The following UBXN2B variants were observed in gnomAD, a reference collection of about 807,000 sequenced individuals.
UBXN2B encodes UBX domain-containing protein 2B.
UBXN2B carries 19 observed loss-of-function variants against 37.5 expected under a neutral mutation model. The observed-to-expected ratio is 0.51, with a 90% CI of 0.35 to 0.74. The LOEUF (loss-of-function observed/expected upper bound fraction) is 0.74. Ranked by LOEUF, UBXN2B falls within the 30% of genes least tolerant of loss-of-function variation. UBXN2B has a pLI of 0.01. For synonymous variants in UBXN2B, 145 were observed against 143.8 expected (o/e 1.01, Z -0.06); for missense variants, 370 against 393.2 (o/e 0.94, Z 0.50).
intron 2 of UBXN2B, among the ~76,000 whole-genome samples, chr8:58,418,862 T>C (rs1427168407): frequency 6.6e-6 from 1 of 152,250 alleles, no homozygotes; most frequent in Non-Finnish European, 1.5e-5. Context: ...TGTATCTCTG[T>C]ACTTGCATTT....
At chr8:58,433,099 C>A in intron 3 of UBXN2B, 61 bp from the exon 4 acceptor site, 1 of 1,337,230 alleles carries the variant, frequency 7.5e-7, no homozygotes, top group East Asian at 2.3e-5. Context: ...ATACATATCA[C>A]ATAATAACTT....
At chr8:58,427,926 AAGG>A (rs995891490) in intron 2 of UBXN2B, among the ~76,000 whole-genome samples, 3 of 152,150 alleles carry the variant, frequency 2.0e-5, no homozygotes, top group African/African-American at 7.2e-5. Flanking sequence ...TAAAATAGAG[AAGG>A]AGATGTTGGA....
At chr8:58,413,355 G>A (rs958942937) in intron 1 of UBXN2B, 1 of 152,090 alleles carries the variant, frequency 6.6e-6, no homozygotes, top group African/African-American at 2.4e-5. Context: ...CAAAGGGATG[G>A]CATATCAAGA....
At chr8:58,433,785 T>C (rs545794072) in intron 4 of UBXN2B, among the ~76,000 whole-genome samples, 127 of 151,722 alleles carry the variant, frequency 8.4e-4, no homozygotes, top group Non-Finnish European at 1.3e-3. Flanking sequence ...GATAAAAAAA[T>C]CAATTAAAAA....
intron 2 of UBXN2B, among the ~76,000 whole-genome samples, chr8:58,423,347 T>C (rs1807979482): frequency 6.6e-6 from 1 of 151,844 alleles, no homozygotes; most frequent in Non-Finnish European, 1.5e-5. Flanking sequence ...CTGCTGACCA[T>C]ATGAGTGGCC....
chr8:58,423,254 A>C (rs979295308), intron 2 of UBXN2B, among the ~76,000 whole-genome samples: 1 of 152,156 alleles, frequency 6.6e-6, no homozygotes, highest in Non-Finnish European at 1.5e-5. Flanking sequence ...CAGCCAGGCC[A>C]CTGAAAGAGA....
chr8:58,423,726 C>T (rs369809976), intron 2 of UBXN2B, among the ~76,000 whole-genome samples: 46 of 149,226 alleles, frequency 3.1e-4, no homozygotes, highest in South Asian at 1.1e-3. Context: ...TGAGCCACCG[C>T]GCCCAGCCGG....
intron 2 of UBXN2B, among the ~76,000 whole-genome samples, chr8:58,418,306 T>C (rs1807838687): frequency 6.6e-6 from 1 of 151,718 alleles, no homozygotes; most frequent in Non-Finnish European, 1.5e-5. Context: ...ATATAGTTAG[T>C]AGTCACATAT....
At chr8:58,422,542 G>A (rs761682494) in intron 2 of UBXN2B, among the ~76,000 whole-genome samples, 3 of 152,254 alleles carry the variant, frequency 2.0e-5, no homozygotes, top group Non-Finnish European at 4.4e-5. Flanking sequence ...CACTTAAGGT[G>A]GAACATTAGC....
At chr8:58,418,331 T>A (rs932679964) in intron 2 of UBXN2B, among the ~76,000 whole-genome samples, 3 of 152,158 alleles carry the variant, frequency 2.0e-5, no homozygotes, top group Non-Finnish European at 4.4e-5. Flanking sequence ...TATAGCTTTT[T>A]CTTTGGATTT....
At chr8:58,425,059 A>T in intron 2 of UBXN2B, 1 of 782,508 alleles carries the variant, frequency 1.3e-6, no homozygotes, top group East Asian at 2.4e-5. Flanking sequence ...CTCCTCCAGG[A>T]AGTCCAGCAC....
At chr8:58,438,543 T>C (rs1808472587) in intron 5 of UBXN2B, among the ~76,000 whole-genome samples, 1 of 152,250 alleles carries the variant, frequency 6.6e-6, no homozygotes, top group Admixed American at 6.5e-5. Context: ...CTGCCGGGTT[T>C]CAGACTTCTG....
Position 58,411,486 on chromosome 8 carries a change from G to T in UBXN2B, c.84+17G>T. The T allele has an allele frequency of 8.0e-7, 1 of 1,248,998 alleles. No individual in the cohort carries two copies. The highest frequency in any genetic ancestry group is 1.0e-6 in the Non-Finnish European group (1 of 992,348). The allele number at this position is 1,248,998 out of a possible 1,614,324, so 77.4% of individuals were successfully genotyped here. On this transcript the variant is annotated intron_variant, in intron 1 of 7. Coordinates refer to ENST00000399598, the MANE Select transcript of UBXN2B (RefSeq NM_001077619.2). ...GATTTGCAGGTGAGGCGAGGAGCCG[G>T]GGGAGGGAGCGCGGCGGTGGACGCG... is the stretch of plus-strand genomic sequence containing the variant.
At chr8:58,439,602 A>G in intron 5 of UBXN2B, 31 bp from the exon 6 acceptor site, 1 of 1,586,968 alleles carries the variant, frequency 6.3e-7, no homozygotes, top group Non-Finnish European at 8.5e-7. Flanking sequence ...TGGAAAACTT[A>G]ATGATAACTT....
At chr8:58,412,935 T>C (rs1807677464) in intron 1 of UBXN2B, among the ~76,000 whole-genome samples, 1 of 152,238 alleles carries the variant, frequency 6.6e-6, no homozygotes, top group Non-Finnish European at 1.5e-5. Flanking sequence ...CCCTGGCTAG[T>C]CAATTCTAAT....
intron 2 of UBXN2B, chr8:58,425,103 C>G: frequency 1.3e-6 from 1 of 796,110 alleles, no homozygotes; most frequent in South Asian, 1.3e-5. Context: ...CGTGGTCCGG[C>G]CAGGTCCAAA....
chr8:58,423,551 T>C (rs1415015820), intron 2 of UBXN2B, among the ~76,000 whole-genome samples: 4 of 151,538 alleles, frequency 2.6e-5, no homozygotes, highest in Non-Finnish European at 2.9e-5. Flanking sequence ...TTCTCCTGCC[T>C]CAGCCTCCCA....
At chr8:58,429,991 A>G (rs1037275943) in intron 2 of UBXN2B, among the ~76,000 whole-genome samples, 2 of 152,236 alleles carry the variant, frequency 1.3e-5, no homozygotes, top group African/African-American at 4.8e-5. Flanking sequence ...TACTTTTAAC[A>G]AACGCAGGGG....
rs377333447 is a variant in UBXN2B, at chr8:58,424,964, C to T, written c.189-5555C>T. ...ATGTCAGTCAGAATATCAATCACAACGTATGTCCCTGTCCGGCCAATTCCA... is the reference window on the plus strand; with the variant it reads ...ATGTCAGTCAGAATATCAATCACAATGTATGTCCCTGTCCGGCCAATTCCA... On this transcript the variant is annotated intron_variant, in intron 2 of 7. Transcript: ENST00000399598. 66 of 802,240 alleles carry T rather than the reference C, an allele frequency of 8.2e-5. No homozygotes were observed. The Middle Eastern group carries it at 1.8e-3, about 21-fold the overall frequency. 49.7% of individuals were successfully genotyped at this position (802,240 alleles called of 1,614,324 possible).
Sources: gnomAD v4.1 joint callset for allele counts (sites outside exome capture counted in the v4.1 genomes callset) on GRCh38, gnomAD v4.1.1 for gene constraint, MANE v1.5 for transcripts, NCBI Gene and HGNC (gene_info 2026-07-23, HGNC 2026-07-21) for gene names.